The following ARHGEF12 variants were observed in gnomAD, a reference collection of about 807,000 sequenced individuals.
ARHGEF12 encodes KMT2A/ARHGEF12 fusion protein.
A neutral mutation model predicts 211.2 loss-of-function variants in ARHGEF12; 66 were observed. The ratio of observed to expected loss-of-function variants is 0.31; its 90% CI spans 0.26 to 0.38. The LOEUF is 0.38. ARHGEF12 is among the 10% of genes least tolerant of loss of function. The probability of loss-of-function intolerance (pLI) is 1.00; values close to 1 mark genes in which losing one functional copy is unlikely to be tolerated. For missense variants in ARHGEF12, 1,429 were observed against 1,869.5 expected (o/e 0.76, Z 4.34); for synonymous variants, 592 against 638.4 (o/e 0.93, Z 1.09).
chr11:120,474,377 T>C (rs142420191), intron 31 of ARHGEF12, among the ~76,000 whole-genome samples, 183 bp from the exon 32 acceptor site: 1 of 152,380 alleles, frequency 6.6e-6, no homozygotes, highest in African/African-American at 2.4e-5. Context: ...GAAAATTGTA[T>C]GCAGATTACT....
At chr11:120,393,003 G>A (rs780751114) in intron 1 of ARHGEF12, among the ~76,000 whole-genome samples, 17 of 152,088 alleles carry the variant, frequency 1.1e-4, no homozygotes, top group African/African-American at 1.9e-4. Flanking sequence ...GAATAAAATC[G>A]GAGTTCTCTT....
intron 1 of ARHGEF12, chr11:120,337,755 A>C: frequency 1.0e-6 from 1 of 985,428 alleles, no homozygotes; most frequent in Non-Finnish European, 1.2e-6. Flanking sequence ...GATCTCTTTC[A>C]GATGTTGACC....
chr11:120,377,911 T>C (rs1943775127), intron 1 of ARHGEF12, among the ~76,000 whole-genome samples: 1 of 152,056 alleles, frequency 6.6e-6, no homozygotes, highest in South Asian at 2.1e-4. Context: ...ATGGTAAATA[T>C]ATATTAACTT....
chr11:120,411,875 A>C (rs1944893573), intron 4 of ARHGEF12: 1 of 151,374 alleles, frequency 6.6e-6, no homozygotes, highest in African/African-American at 2.4e-5. Context: ...GCCCAGGCTG[A>C]TCTCTGTCTC....
At chr11:120,420,721 CCTT>C (rs779474166) in intron 4 of ARHGEF12, 29 bp from the exon 5 acceptor site, 1 of 1,564,232 alleles carries the variant, frequency 6.4e-7, no homozygotes, top group Admixed American at 1.7e-5. Context: ...GTTTTCTCTT[CCTT>C]CTTGTTTTAC....
intron 17 of ARHGEF12, 28 bp from the exon 18 acceptor site, chr11:120,446,920 C>T (rs1591602963): frequency 5.6e-6 from 9 of 1,605,906 alleles, no homozygotes; most frequent in Non-Finnish European, 7.7e-6. Flanking sequence ...CTTTAGGCTA[C>T]CTCAGGAAAC....
chr11:120,355,422 T>G (rs934020423), intron 1 of ARHGEF12, among the ~76,000 whole-genome samples: 4 of 152,358 alleles, frequency 2.6e-5, no homozygotes, highest in South Asian at 4.1e-4. Context: ...ACATCATATT[T>G]AATAGATATA....
At chr11:120,418,175 A>G (rs1945084433) in intron 4 of ARHGEF12, among the ~76,000 whole-genome samples, 4 of 152,172 alleles carry the variant, frequency 2.6e-5, no homozygotes, top group Admixed American at 2.6e-4. Flanking sequence ...GAAACAGAAC[A>G]TTTCCATCAC....
chr11:120,433,915 G>A (rs1345128993), intron 11 of ARHGEF12, among the ~76,000 whole-genome samples: 5 of 152,064 alleles, frequency 3.3e-5, no homozygotes, highest in Admixed American at 2.0e-4. Context: ...CCAAGATCGC[G>A]CCATTGCACT....
Position 120,337,270 on chromosome 11 carries a change from C to G in ARHGEF12, c.27C>G (p.Thr9=), listed in dbSNP as rs774639794. The change falls in exon 1 of 41, where the codon ACC becomes ACG. Residue 9 remains threonine (T), a synonymous_variant. Coordinates refer to ENST00000397843, the MANE Select transcript of ARHGEF12 (RefSeq NM_015313.3). MSGTQSTI[T]DRFPLKKPIR... ...TGAGTGGCACACAGTCTACTATCAC[C>G]GACAGGTTGGTATGAATTCCTCCTT... 4.3e-6 allele frequency: 7 copies of G among 1,614,126 alleles called. No individual in the cohort carries two copies. The highest frequency in any genetic ancestry group is 5.9e-6 in the Non-Finnish European group (7 of 1,180,026).
intron 1 of ARHGEF12, among the ~76,000 whole-genome samples, chr11:120,338,232 CG>C (rs1229454922): frequency 1.3e-5 from 2 of 152,100 alleles, no homozygotes; most frequent in Non-Finnish European, 2.9e-5. Context: ...ATTATTACAC[CG>C]TGAAAAAATA....
intron 20 of ARHGEF12, chr11:120,448,601 G>A (rs1029510865): frequency 4.3e-6 from 2 of 465,346 alleles, no homozygotes; most frequent in Non-Finnish European, 7.5e-6. Context: ...TTCTGTTCAT[G>A]CCTTATACTT....
chr11:120,426,864 T>TTTTTTGTTTTTG (rs148913679), intron 7 of ARHGEF12, among the ~76,000 whole-genome samples: 1 of 151,548 alleles, frequency 6.6e-6, no homozygotes, highest in Non-Finnish European at 1.5e-5. Flanking sequence ...TATGGTGTTT[T>TTTTTTGTTTTTG]TTTTTGTTTT....
chr11:120,415,914 A>G (rs1229548370), intron 4 of ARHGEF12, among the ~76,000 whole-genome samples: 4 of 152,246 alleles, frequency 2.6e-5, no homozygotes, highest in African/African-American at 9.6e-5. Context: ...AATATAAAAT[A>G]ATAAATGTGG....
chr11:120,381,468 C>T (rs917356100), intron 1 of ARHGEF12, among the ~76,000 whole-genome samples: 5 of 152,168 alleles, frequency 3.3e-5, no homozygotes, highest in African/African-American at 9.7e-5. Context: ...TATTTATGTA[C>T]AGTTTCTTTT....
rs768766742 is a variant in ARHGEF12, at chr11:120,475,488, G to C, written c.3258G>C (p.Leu1086Phe). ...CTGTCATTAAGTTGAGTACAGTGTT[G>C]GTTCGACAAGTGGCAACAGGCAAGT... is the stretch of plus-strand genomic sequence containing the variant. ...FSPVIKLSTV[L>F]VRQVATDNKA... The change falls in exon 33 of 41, where the codon TTG (leucine) becomes TTC (phenylalanine). Residue 1086 changes from leucine to phenylalanine, a missense_variant. By Grantham distance (22) the Leu-to-Phe change is conservative. Transcript: ENST00000397843. 6.2e-7 allele frequency: 1 copy of C among 1,613,438 alleles called. No homozygotes were observed. Among genetic ancestry groups the C allele is most frequent in the Non-Finnish European group, 8.5e-7 (1 of 1,179,826 alleles).
At chr11:120,427,771 T>C (rs796440698) in intron 7 of ARHGEF12, among the ~76,000 whole-genome samples, 10 of 151,998 alleles carry the variant, frequency 6.6e-5, no homozygotes, top group African/African-American at 2.2e-4. Flanking sequence ...ATAAAGAAAA[T>C]ATATAATATA....
At chr11:120,394,254 C>G (rs557553181) in intron 1 of ARHGEF12, among the ~76,000 whole-genome samples, 2 of 151,322 alleles carry the variant, frequency 1.3e-5, no homozygotes, top group South Asian at 4.2e-4. Flanking sequence ...GGGTCTTACT[C>G]TGTTGCCCAG....
In ARHGEF12 at chr11:120,488,219, G is replaced by A. The variant is rs1455166412; in HGVS notation, c.*3142G>A. ...TTCCTCTTTGATGTTAGTAAATTTGGTGTAATACGTGGGGCTTCCATATTT... is the reference window on the plus strand; with the variant it reads ...TTCCTCTTTGATGTTAGTAAATTTGATGTAATACGTGGGGCTTCCATATTT... On this transcript the variant is annotated 3_prime_UTR_variant, in exon 41 of 41. Transcript: ENST00000397843. The A allele has an allele frequency of 9.3e-6, 2 of 215,292 alleles. No homozygotes were observed. The highest frequency in any genetic ancestry group is 1.9e-5 in the Non-Finnish European group (2 of 106,922). The allele number at this position is 215,292 out of a possible 1,614,324, so 13.3% of individuals were successfully genotyped here. A position where few individuals can be genotyped will look rare whatever the true frequency, so the allele number is the denominator to read the frequency against.
Sources: allele counts gnomAD v4.1 joint callset (sites outside exome capture counted in the v4.1 genomes callset), GRCh38; gene constraint gnomAD v4.1.1; transcripts MANE v1.5; gene names NCBI Gene and HGNC (gene_info 2026-07-23, HGNC 2026-07-21).